Variants in SDK1 observed in about 807,000 individuals in gnomAD.
SDK1 encodes the protein sidekick cell adhesion molecule 1.
A neutral mutation model predicts 245.5 loss-of-function variants in SDK1; 157 were observed. The ratio of observed to expected loss-of-function variants is 0.64; its 90% confidence interval spans 0.56 to 0.73. The LOEUF is 0.73. Ranked by LOEUF, SDK1 falls within the 30% of genes least tolerant of loss-of-function variation. SDK1 has a pLI of 0.00. For missense variants in SDK1, 3,583 were observed against 3,002.3 expected (o/e 1.19, Z -4.52); for synonymous variants, 1,647 against 1,278.5 (o/e 1.29, Z -6.15).
chr7:3,744,242 C>A (rs1779553597), intron 4 of SDK1, among the ~76,000 whole-genome samples: 1 of 152,094 alleles, frequency 6.6e-6, no homozygotes, highest in African/African-American at 2.4e-5. Context: ...CCCCCCTCCC[C>A]CCATCTCTCC....
At chr7:3,558,610 G>T (rs540932914) in intron 1 of SDK1, among the ~76,000 whole-genome samples, 27 of 152,338 alleles carry the variant, frequency 1.8e-4, no homozygotes, top group African/African-American at 6.0e-4. Flanking sequence ...AGAGCTGGGA[G>T]GGGGCAGAGG....
intron 1 of SDK1, among the ~76,000 whole-genome samples, chr7:3,453,747 T>A (rs1170346295): frequency 1.3e-5 from 2 of 152,088 alleles, no homozygotes; most frequent in African/African-American, 4.8e-5. Flanking sequence ...CTGGCTAATT[T>A]TTTTTTTACT....
At chr7:4,224,534 C>G (rs1785313500) in intron 40 of SDK1, among the ~76,000 whole-genome samples, 3 of 152,228 alleles carry the variant, frequency 2.0e-5, no homozygotes, top group Admixed American at 6.5e-5. Flanking sequence ...CACCAGGCCC[C>G]TCCCCCAACA....
intron 17 of SDK1, among the ~76,000 whole-genome samples, chr7:4,035,788 A>G (rs1308237791): frequency 6.6e-6 from 1 of 152,212 alleles, no homozygotes; most frequent in Non-Finnish European, 1.5e-5. Context: ...TCATCATTCC[A>G]AGAAGCAAAG....
intron 1 of SDK1, among the ~76,000 whole-genome samples, chr7:3,562,253 C>T (rs1312380822): frequency 1.3e-5 from 2 of 152,332 alleles, no homozygotes; most frequent in East Asian, 3.9e-4. Flanking sequence ...AAATAACCTG[C>T]CATCATCAGC....
intron 1 of SDK1, among the ~76,000 whole-genome samples, chr7:3,499,798 G>A (rs1782140465): frequency 6.6e-6 from 1 of 152,170 alleles, no homozygotes; most frequent in Non-Finnish European, 1.5e-5. Context: ...GCAAGAATGG[G>A]TCCTGGGAAA....
chr7:3,701,088 T>TA (rs900932696), intron 4 of SDK1, among the ~76,000 whole-genome samples: 29 of 152,062 alleles, frequency 1.9e-4, no homozygotes, highest in Non-Finnish European at 4.0e-4. Flanking sequence ...GGAATCTATT[T>TA]AAAAAAAACT....
rs191114573 is a variant in SDK1, at chr7:3,515,545, G to A, written c.299-103535G>A. On this transcript the variant is annotated intron_variant, in intron 1 of 44. Transcript: ENST00000404826. ...AATTTATGCTTACAGTTGTATTTGT[G>A]ATCAAATCAAGTGTTCTCTATAATC... is the stretch of plus-strand genomic sequence containing the variant. Among the ~76,000 whole-genome samples the A allele has an allele frequency of 2.4e-3, 369 of 152,168 alleles. 3 individuals are homozygous for A. The highest frequency in any genetic ancestry group is 0.018 in the South Asian group (88 of 4,820).
intron 5 of SDK1, among the ~76,000 whole-genome samples, chr7:3,932,826 C>T (rs1275283892): frequency 1.3e-5 from 2 of 152,184 alleles, no homozygotes; most frequent in Non-Finnish European, 2.9e-5. Context: ...AATGTGTACA[C>T]AAAAGAGAGG....
intron 17 of SDK1, among the ~76,000 whole-genome samples, chr7:4,035,353 G>A (rs1788135917): frequency 6.6e-6 from 1 of 152,086 alleles, no homozygotes; most frequent in East Asian, 1.9e-4. Context: ...TTAAGCAAAG[G>A]GACAGAATTG....
intron 22 of SDK1, among the ~76,000 whole-genome samples, chr7:4,091,334 C>CTTTTCTTTTTTTTTTTTTT (rs1259034611): frequency 2.0e-4 from 22 of 108,260 alleles, no homozygotes; most frequent in African/African-American, 9.1e-4. Context: ...CTTTTCTTTT[C>CTTTTCTTTTTTTTTTTTTT]TTTTTTTTTT....
intron 5 of SDK1, among the ~76,000 whole-genome samples, chr7:3,941,739 A>T (rs565896782): frequency 6.6e-6 from 1 of 151,620 alleles, no homozygotes; most frequent in East Asian, 1.9e-4. Context: ...CCTCCACCAA[A>T]CTCGAACCTC....
intron 14 of SDK1, among the ~76,000 whole-genome samples, chr7:4,008,763 A>G (rs1373650702): frequency 1.3e-5 from 2 of 152,172 alleles, no homozygotes; most frequent in African/African-American, 4.8e-5. Context: ...AAATTAAAGA[A>G]TAAAAGATTG....
intron 1 of SDK1, among the ~76,000 whole-genome samples, chr7:3,436,868 C>T (rs999795301): frequency 6.6e-6 from 1 of 152,138 alleles, no homozygotes; most frequent in Non-Finnish European, 1.5e-5. Context: ...TCCCCAAGAA[C>T]CTACATAGAC....
intron 4 of SDK1, among the ~76,000 whole-genome samples, chr7:3,708,952 C>T (rs1784958783): frequency 6.6e-6 from 1 of 152,222 alleles, no homozygotes; most frequent in African/African-American, 2.4e-5. Context: ...GTTAATACTG[C>T]ATTCATGATA....
intron 5 of SDK1, among the ~76,000 whole-genome samples, chr7:3,924,040 T>G (rs1032865911): frequency 1.3e-5 from 2 of 152,230 alleles, no homozygotes; most frequent in Non-Finnish European, 2.9e-5. Context: ...CTATAGAGAT[T>G]TAGGAAGAGG....
chr7:3,679,428 G>A (rs111248512), intron 4 of SDK1, among the ~76,000 whole-genome samples: 2,531 of 152,256 alleles, frequency 0.017, 75 homozygotes, highest in African/African-American at 0.057. Context: ...TTAGCCGGGC[G>A]CGGTGGCGGG....
intron 1 of SDK1, among the ~76,000 whole-genome samples, chr7:3,479,579 T>A (rs1338800931): frequency 4.6e-5 from 7 of 151,748 alleles, no homozygotes; most frequent in African/African-American, 1.7e-4. Flanking sequence ...ATTACTTCAC[T>A]AAGGCCAGGC....
chr7:3,641,802 G>C (rs1319692078), intron 3 of SDK1, among the ~76,000 whole-genome samples, 156 bp from the exon 4 acceptor site: 1 of 152,204 alleles, frequency 6.6e-6, no homozygotes, highest in Non-Finnish European at 1.5e-5. Context: ...AAGCAGATCC[G>C]CGTTGGTCAG....
Sources: gnomAD v4.1 joint callset for allele counts (sites outside exome capture counted in the v4.1 genomes callset) on GRCh38, gnomAD v4.1.1 for gene constraint, MANE v1.5 for transcripts, NCBI Gene and HGNC (gene_info 2026-07-23, HGNC 2026-07-21) for gene names.